The following TMPRSS12 variants were observed in gnomAD, a reference collection of about 807,000 sequenced individuals.
TMPRSS12 encodes the protein transmembrane serine protease 12.
A neutral mutation model predicts 26.0 loss-of-function variants in TMPRSS12; 25 were observed. The observed-to-expected ratio is 0.96, with a 90% confidence interval of 0.70 to 1.34. The LOEUF is 1.34. TMPRSS12 is among the 40% of genes most tolerant of loss of function. The probability of loss-of-function intolerance (pLI) is 0.00; values close to 1 mark genes in which losing one functional copy is unlikely to be tolerated. For missense variants in TMPRSS12, 441 were observed against 440.1 expected, an observed-to-expected ratio of 1.00 and a Z score of -0.02; for synonymous variants, 150 against 161.7, an observed-to-expected ratio of 0.93 and a Z score of 0.55.
intron 3 of TMPRSS12, among the ~76,000 whole-genome samples, chr12:50,862,425 T>G (rs2139726996): frequency 6.6e-6 from 1 of 152,276 alleles, no homozygotes; most frequent in Admixed American, 6.5e-5. Context: ...GGTTAAAGAA[T>G]AAAACTTGTC....
chr12:50,880,164 A>G (rs1938150233), intron 3 of TMPRSS12, among the ~76,000 whole-genome samples: 1 of 152,038 alleles, frequency 6.6e-6, no homozygotes, highest in South Asian at 2.1e-4. Context: ...TGGGAGGCCA[A>G]GGTGAAAGGA....
At chr12:50,861,838 T>C (rs961264188) in intron 3 of TMPRSS12, among the ~76,000 whole-genome samples, 4 of 149,358 alleles carry the variant, frequency 2.7e-5, no homozygotes, top group African/African-American at 7.5e-5. Flanking sequence ...TGAGAGGGAG[T>C]CTTGCTCTGT....
intron 3 of TMPRSS12, among the ~76,000 whole-genome samples, chr12:50,881,318 G>A (rs921842449): frequency 1.3e-5 from 2 of 152,068 alleles, no homozygotes; most frequent in Non-Finnish European, 2.9e-5. Flanking sequence ...CTGGAGCTGG[G>A]AATTGATTAC....
At chr12:50,871,866 C>A (rs1938046125) in intron 3 of TMPRSS12, among the ~76,000 whole-genome samples, 1 of 151,480 alleles carries the variant, frequency 6.6e-6, no homozygotes, top group Non-Finnish European at 1.5e-5. Context: ...CAGGGAAATG[C>A]AAATCAAAAC....
intron 3 of TMPRSS12, among the ~76,000 whole-genome samples, chr12:50,878,510 T>G (rs1481999699): frequency 6.6e-6 from 1 of 152,136 alleles, no homozygotes; most frequent in Non-Finnish European, 1.5e-5. Flanking sequence ...CTCAAGAGTT[T>G]GAGGCTTCAG....
chr12:50,874,921 C>G (rs1166672922), intron 3 of TMPRSS12, among the ~76,000 whole-genome samples: 1 of 152,114 alleles, frequency 6.6e-6, no homozygotes, highest in Admixed American at 6.6e-5. Flanking sequence ...CAAAATGCTG[C>G]TGAAAGAAAT....
At chr12:50,856,543 T>C (rs1475824425) in intron 2 of TMPRSS12, among the ~76,000 whole-genome samples, 1 of 152,162 alleles carries the variant, frequency 6.6e-6, no homozygotes, top group African/African-American at 2.4e-5. Context: ...AAAACCACTA[T>C]AAACATTTGT....
chr12:50,866,224 T>C (rs1232164515), intron 3 of TMPRSS12, among the ~76,000 whole-genome samples: 6 of 151,312 alleles, frequency 4.0e-5, no homozygotes, highest in Non-Finnish European at 5.9e-5. Context: ...CTCTGGGAGG[T>C]GGGTAGCCTG....
At chr12:50,883,031 T>TA (rs1229269240) in intron 3 of TMPRSS12, among the ~76,000 whole-genome samples, 1 of 152,154 alleles carries the variant, frequency 6.6e-6, no homozygotes, top group Non-Finnish European at 1.5e-5. Flanking sequence ...CAAAGTATAT[T>TA]ATAGATAGAA....
intron 2 of TMPRSS12, among the ~76,000 whole-genome samples, chr12:50,855,624 A>T (rs529278913): frequency 5.9e-5 from 9 of 152,376 alleles, no homozygotes; most frequent in African/African-American, 2.2e-4. Context: ...AAATTAGTTC[A>T]GTCCCCGTGG....
At position 50,867,626 on chromosome 12, in the gene TMPRSS12, A is replaced by G. The variant is rs190848393; in HGVS notation, c.652+8573A>G. Among the ~76,000 whole-genome samples, 478 of 152,312 alleles carry G rather than the reference A, an allele frequency of 3.1e-3. 4 individuals carry two copies. Among genetic ancestry groups the G allele is most frequent in the African/African-American group, 0.011 (463 of 41,566 alleles). On this transcript the variant is annotated intron_variant, in intron 3 of 4. Coordinates refer to ENST00000398458, the MANE Select transcript of TMPRSS12 (RefSeq NM_182559.3). ...TCCAAATACAAGAAGCACAAAGAAC[A>G]CTTGAGAAATTCTTTGCAAAAAGAT...
intron 3 of TMPRSS12, among the ~76,000 whole-genome samples, chr12:50,879,248 T>C (rs1044300736): frequency 6.6e-6 from 1 of 152,194 alleles, no homozygotes; most frequent in African/African-American, 2.4e-5. Context: ...GTCATTGGAT[T>C]AGGCGATGAT....
At chr12:50,857,759 T>A (rs553497528) in intron 2 of TMPRSS12, among the ~76,000 whole-genome samples, 4 of 152,120 alleles carry the variant, frequency 2.6e-5, no homozygotes, top group Non-Finnish European at 5.9e-5. Flanking sequence ...ATGTTATATA[T>A]TCATCTAGAT....
chr12:50,878,543 A>G (rs1328197876), intron 3 of TMPRSS12, among the ~76,000 whole-genome samples: 1 of 152,156 alleles, frequency 6.6e-6, no homozygotes, highest in Non-Finnish European at 1.5e-5. Context: ...ATGTCACTGC[A>G]CTTCAGTCTT....
At chr12:50,867,431 AAAG>A (rs1429982908) in intron 3 of TMPRSS12, among the ~76,000 whole-genome samples, 2 of 152,188 alleles carry the variant, frequency 1.3e-5, no homozygotes, top group African/African-American at 4.8e-5. Context: ...GACAAAGAAA[AAAG>A]AATAAGAAAA....
chr12:50,854,539 C>T (rs529143199), intron 2 of TMPRSS12, among the ~76,000 whole-genome samples: 9 of 152,148 alleles, frequency 5.9e-5, no homozygotes, highest in East Asian at 5.8e-4. Flanking sequence ...GTAGACACTA[C>T]GATTCTATAC....
At chr12:50,870,851 C>CGAA (rs1938035962) in intron 3 of TMPRSS12, among the ~76,000 whole-genome samples, 1 of 138,706 alleles carries the variant, frequency 7.2e-6, no homozygotes, top group African/African-American at 2.7e-5. Context: ...ATGATAGTTG[C>CGAA]AAAAAAAAAA....
chr12:50,851,249 G>T (rs1937823745), intron 2 of TMPRSS12, among the ~76,000 whole-genome samples: 1 of 152,160 alleles, frequency 6.6e-6, no homozygotes, highest in African/African-American at 2.4e-5. Context: ...AATCTGGATG[G>T]CAATGAAGAT....
At chr12:50,847,451 G>T (rs2139719253) in intron 2 of TMPRSS12, among the ~76,000 whole-genome samples, 1 of 152,058 alleles carries the variant, frequency 6.6e-6, no homozygotes, top group South Asian at 2.1e-4. Context: ...GGGTGGTTCT[G>T]TCATCCTTTT....
Sources: allele counts gnomAD v4.1 joint callset (sites outside exome capture counted in the v4.1 genomes callset), GRCh38; gene constraint gnomAD v4.1.1; transcripts MANE v1.5; gene names NCBI Gene and HGNC (gene_info 2026-07-23, HGNC 2026-07-21).